The following TASP1 variants were observed in gnomAD, a reference collection of about 807,000 sequenced individuals.
The protein encoded by TASP1 is threonine aspartase 1.
In TASP1, 16 loss-of-function variants were observed where a neutral mutation model predicts 56.6. The observed-to-expected ratio is 0.28, with a 90% CI of 0.19 to 0.43. The LOEUF (loss-of-function observed/expected upper bound fraction) is 0.43. TASP1 is among the 20% of genes least tolerant of loss of function. The pLI is 1.00. For synonymous variants in TASP1, 179 were observed against 184.2 expected, an observed-to-expected ratio of 0.97 and a Z score of 0.23; for missense variants, 393 against 511.6, an observed-to-expected ratio of 0.77 and a Z score of 2.24.
chr20:13,542,524 A>G (rs2045661540), intron 8 of TASP1, among the ~76,000 whole-genome samples: 1 of 152,194 alleles, frequency 6.6e-6, no homozygotes, highest in African/African-American at 2.4e-5. Flanking sequence ...ATTTTATAGC[A>G]CTGACAGATC....
the TASP1 span, among the ~76,000 whole-genome samples, chr20:13,241,719 G>A: frequency 6.6e-6 from 1 of 152,150 alleles, no homozygotes; most frequent in Non-Finnish European, 1.5e-5. Context: ...GTAAGGTTGT[G>A]AAGGAAGGGC....
intron 8 of TASP1, among the ~76,000 whole-genome samples, chr20:13,552,484 G>A (rs1186720658): frequency 6.6e-6 from 1 of 152,216 alleles, no homozygotes; most frequent in Non-Finnish European, 1.5e-5. Context: ...GGGCATGTCT[G>A]ACACTGCTGC....
At chr20:13,597,891 GACAA>G (rs1380531157) in intron 4 of TASP1, among the ~76,000 whole-genome samples, 5 of 152,110 alleles carry the variant, frequency 3.3e-5, no homozygotes, top group Non-Finnish European at 5.9e-5. Context: ...ACCAATAACA[GACAA>G]ACAGAGAGCC....
Position 13,625,210 on chromosome 20 carries a change from T to C in TASP1, c.188A>G (p.His63Arg), listed in dbSNP as rs1401597331. 3 of 1,611,838 alleles carry C rather than the reference T, an allele frequency of 1.9e-6. No homozygotes were observed. The highest frequency in any genetic ancestry group is 2.5e-6 in the Non-Finnish European group (3 of 1,179,284). Residue 63 changes from histidine to arginine, a missense_variant, in exon 3 of 14, where the codon CAT becomes CGT. By Grantham distance (29) the His-to-Arg change is conservative. Around this residue, in one of 3 missense-constraint regions of TASP1, gnomAD observed 48 missense variants for 106.2 expected, o/e 0.45. Coordinates refer to ENST00000337743, the MANE Select transcript of TASP1 (RefSeq NM_017714.3). The part of the protein sequence containing the change: ...HSESKAKEYK[H>R]VCKRACQKAI... ...CTTCTGACAAGCTCGTTTGCATACA[T>C]GTTTATACTCCTTGGCTTTGGATTC...
At chr20:13,554,263 C>T (rs1156865731) in intron 8 of TASP1, among the ~76,000 whole-genome samples, 2 of 152,106 alleles carry the variant, frequency 1.3e-5, no homozygotes, top group East Asian at 1.9e-4. Flanking sequence ...TGGCTACGGG[C>T]CAGAGAGCAA....
chr20:13,432,384 G>A (rs943749258), intron 12 of TASP1, among the ~76,000 whole-genome samples: 7 of 152,182 alleles, frequency 4.6e-5, no homozygotes, highest in Admixed American at 1.3e-4. Flanking sequence ...AGACTGACTG[G>A]TGGCTCTGGA....
chr20:13,303,702 G>A, the TASP1 span, among the ~76,000 whole-genome samples: 1 of 152,234 alleles, frequency 6.6e-6, no homozygotes, highest in East Asian at 1.9e-4. Flanking sequence ...TTGGCATTTA[G>A]TCATTTGCCA....
the TASP1 span, among the ~76,000 whole-genome samples, chr20:13,130,476 C>T: frequency 3.3e-5 from 5 of 152,212 alleles, no homozygotes; most frequent in Admixed American, 6.5e-5. Flanking sequence ...CAAAGCCATA[C>T]GCTTCAAAGA....
the TASP1 span, among the ~76,000 whole-genome samples, chr20:13,215,625 C>T: frequency 6.6e-6 from 1 of 152,202 alleles, no homozygotes; most frequent in Non-Finnish European, 1.5e-5. Context: ...GAAGCCGGTC[C>T]TATTTCACCA....
Position 13,518,582 on chromosome 20 carries a change from C to T in TASP1, c.874+9851G>A, listed in dbSNP as rs148572151. On this transcript the variant is annotated intron_variant, in intron 10 of 13. Coordinates refer to ENST00000337743, the MANE Select transcript of TASP1 (RefSeq NM_017714.3). ...TATACCACTCTTAGCCCCTCATTTG[C>T]CTTCCTCTCAGCCTTCACTCATCCG... Among the ~76,000 whole-genome samples, 494 of 152,198 alleles carry T rather than the reference C, an allele frequency of 3.2e-3. 2 individuals carry two copies. Among genetic ancestry groups the T allele is most frequent in the East Asian group, 0.011 (59 of 5,182 alleles).
rs1187648806 is a variant in TASP1, at chr20:13,588,248, A to AG, written c.283-879dup. On this transcript the variant is annotated intron_variant, in intron 4 of 13. Coordinates refer to ENST00000337743, the MANE Select transcript of TASP1 (RefSeq NM_017714.3). ...ACAAAAAGGAGAAAGAAAGAAAGGA[A>AG]GAAAGGAAGGAAGGAAGGAAGGAAG... 1.8e-3 allele frequency among the ~76,000 whole-genome samples: 245 copies of AG among 132,982 alleles called. 3 individuals carry two copies. Among genetic ancestry groups the AG allele is most frequent in the African/African-American group, 6.8e-3 (215 of 31,668 alleles). 87.2% of individuals were successfully genotyped at this position (132,982 alleles called of 152,430 possible).
At chr20:13,428,235 CAT>C (rs754458692) in intron 12 of TASP1, among the ~76,000 whole-genome samples, 8 of 152,330 alleles carry the variant, frequency 5.3e-5, no homozygotes, top group East Asian at 3.9e-4. Context: ...CCCAACAACA[CAT>C]GTTTTGGTAC....
At chr20:13,407,328 A>G (rs1433435294) in intron 13 of TASP1, among the ~76,000 whole-genome samples, 2 of 152,144 alleles carry the variant, frequency 1.3e-5, no homozygotes, top group African/African-American at 2.4e-5. Context: ...ATCATACACT[A>G]TGTGGCCATT....
chr20:13,516,396 C>T (rs553560049), intron 10 of TASP1, among the ~76,000 whole-genome samples: 37 of 152,254 alleles, frequency 2.4e-4, no homozygotes, highest in Non-Finnish European at 4.1e-4. Context: ...GAAAAACACA[C>T]GTTTCCAATT....
chr20:13,316,868 T>G, the TASP1 span, among the ~76,000 whole-genome samples: 1 of 151,880 alleles, frequency 6.6e-6, no homozygotes, highest in Non-Finnish European at 1.5e-5. Context: ...CCACTAAGAT[T>G]AGGTACAAAG....
chr20:13,184,141 C>A, the TASP1 span, among the ~76,000 whole-genome samples: 1 of 151,868 alleles, frequency 6.6e-6, no homozygotes, highest in Non-Finnish European at 1.5e-5. Flanking sequence ...TCACTAGGTG[C>A]CAAGCACTGT....
the TASP1 span, among the ~76,000 whole-genome samples, chr20:13,362,099 C>A: frequency 2.0e-5 from 3 of 150,066 alleles, no homozygotes. Context: ...TAGGTTCCCA[C>A]GCCGCCCCTA....
chr20:13,275,645 T>C, the TASP1 span, among the ~76,000 whole-genome samples: 13,358 of 152,246 alleles, frequency 0.088, 642 homozygotes, highest in East Asian at 0.21. Context: ...AGCAGCTATG[T>C]AGTATAATAC....
At chr20:13,162,028 A>G in the TASP1 span, among the ~76,000 whole-genome samples, 1 of 152,206 alleles carries the variant, frequency 6.6e-6, no homozygotes, top group Non-Finnish European at 1.5e-5. Context: ...CTCTAAAATG[A>G]GTATGTATTT....
Sources: gnomAD v4.1 joint callset for allele counts (sites outside exome capture counted in the v4.1 genomes callset) on GRCh38, gnomAD v4.1.1 for gene constraint, gnomAD v4.1.1 regional missense constraint, MANE v1.5 for transcripts, NCBI Gene and HGNC (gene_info 2026-07-23, HGNC 2026-07-21) for gene names.